The following LARS2 variants were observed in gnomAD, a reference collection of about 807,000 sequenced individuals.
LARS2 encodes the protein leucine--tRNA ligase, mitochondrial.
In LARS2, 81 loss-of-function variants were observed where a neutral mutation model predicts 116.6. The observed-to-expected ratio is 0.69, with a 90% confidence interval of 0.58 to 0.84. The LOEUF is 0.84. Among genes scored for constraint, LARS2 ranks in the 40% least tolerant of loss-of-function variants. The probability of loss-of-function intolerance (pLI) is 0.00; values close to 1 mark genes in which losing one functional copy is unlikely to be tolerated. For synonymous variants in LARS2, 396 were observed against 407.2 expected, an observed-to-expected ratio of 0.97 and a Z score of 0.33; for missense variants, 968 against 1,114.5, an observed-to-expected ratio of 0.87 and a Z score of 1.87.
In LARS2 at chr3:45,398,515, G is replaced by GA. The variant is rs532108657; in HGVS notation, c.235-1724dup. On this transcript the variant is annotated intron_variant, in intron 3 of 21. Transcript: ENST00000645846. ...TCTAGCAAGGGAATAAGGCCAGGAAGAAAAAACAGAAGGCAGAAATAAATA... is the reference window on the plus strand; with the variant it reads ...TCTAGCAAGGGAATAAGGCCAGGAAGAAAAAAACAGAAGGCAGAAATAAATA... Among the ~76,000 whole-genome samples, 28 of 152,296 alleles carry GA rather than the reference G, an allele frequency of 1.8e-4. No individual in the cohort carries two copies. In the East Asian group the frequency reaches 4.2e-3, roughly 23 times the overall value.
chr3:45,440,213 C>T (rs911856808), intron 6 of LARS2, among the ~76,000 whole-genome samples: 3 of 152,210 alleles, frequency 2.0e-5, no homozygotes, highest in Admixed American at 2.0e-4. Flanking sequence ...CTCTTTTAAG[C>T]TGCACAATAG....
intron 7 of LARS2, among the ~76,000 whole-genome samples, chr3:45,450,825 C>T (rs116106848): frequency 0.025 from 3,753 of 152,168 alleles, 108 homozygotes; most frequent in East Asian, 0.098. Flanking sequence ...ATGAGGGTTC[C>T]CCTTTCTCCA....
At chr3:45,507,645 G>C (rs940201347) in intron 15 of LARS2, among the ~76,000 whole-genome samples, 1 of 152,052 alleles carries the variant, frequency 6.6e-6, no homozygotes, top group Non-Finnish European at 1.5e-5. Flanking sequence ...TAATAACATG[G>C]AGAAATTCAT....
At chr3:45,532,872 C>T (rs1322472215) in intron 20 of LARS2, among the ~76,000 whole-genome samples, 2 of 152,100 alleles carry the variant, frequency 1.3e-5, no homozygotes, top group African/African-American at 4.8e-5. Flanking sequence ...AAACTCCTGA[C>T]TTCAGGTGGT....
intron 14 of LARS2, among the ~76,000 whole-genome samples, chr3:45,499,959 C>A (rs187348186): frequency 6.6e-6 from 1 of 151,460 alleles, no homozygotes; most frequent in Admixed American, 6.6e-5. Flanking sequence ...ATTATATAAG[C>A]TTTTCTCATA....
chr3:45,493,851 G>T (rs1159968523), intron 13 of LARS2, among the ~76,000 whole-genome samples: 1 of 152,068 alleles, frequency 6.6e-6, no homozygotes, highest in Admixed American at 6.5e-5. Context: ...AAGGAAATCA[G>T]CATGGCAAAT....
At chr3:45,482,298 A>G (rs1233507961) in intron 10 of LARS2, among the ~76,000 whole-genome samples, 1 of 152,174 alleles carries the variant, frequency 6.6e-6, no homozygotes, top group Non-Finnish European at 1.5e-5. Context: ...TGGGGCTATT[A>G]TGGAGATAAC....
Position 45,547,697 on chromosome 3 carries a change from G to A in LARS2, c.*167G>A. 2 of 613,412 alleles carry A rather than the reference G, an allele frequency of 3.3e-6. No homozygotes were observed. Among genetic ancestry groups the A allele is most frequent in the Non-Finnish European group, 2.8e-6 (1 of 361,652 alleles). 38.0% of individuals were successfully genotyped at this position (613,412 alleles called of 1,614,324 possible). On this transcript the variant is annotated 3_prime_UTR_variant, in exon 22 of 22. Coordinates refer to ENST00000645846, the MANE Select transcript of LARS2 (RefSeq NM_015340.4). The stretch of plus-strand genomic sequence containing the variant: ...GTCAACAGTGTGCCTCTGTAGTGTG[G>A]CCTGGTGCTGGGGTGAAGGTGAGCT...
intron 10 of LARS2, among the ~76,000 whole-genome samples, chr3:45,482,122 T>G (rs573849122): frequency 8.5e-5 from 13 of 152,350 alleles, no homozygotes; most frequent in African/African-American, 2.6e-4. Context: ...TGCTTCTGCC[T>G]CTTTATTTTC....
chr3:45,420,871 C>G (rs1250553884), intron 6 of LARS2, among the ~76,000 whole-genome samples: 1 of 152,138 alleles, frequency 6.6e-6, no homozygotes, highest in African/African-American at 2.4e-5. Context: ...TTTTCCTAAT[C>G]ATCACAGAGG....
At chr3:45,528,727 A>G (rs1362159896) in intron 20 of LARS2, among the ~76,000 whole-genome samples, 1 of 152,184 alleles carries the variant, frequency 6.6e-6, no homozygotes, top group African/African-American at 2.4e-5. Flanking sequence ...TTTGAGATTA[A>G]TCCATGTTCT....
intron 15 of LARS2, among the ~76,000 whole-genome samples, chr3:45,511,126 A>G (rs1173909665): frequency 1.3e-5 from 2 of 152,208 alleles, no homozygotes; most frequent in Non-Finnish European, 2.9e-5. Flanking sequence ...TCCCTGCTCT[A>G]GATGATCCAT....
intron 8 of LARS2, among the ~76,000 whole-genome samples, chr3:45,465,443 G>T (rs558637233): frequency 6.6e-6 from 1 of 152,196 alleles, no homozygotes; most frequent in Admixed American, 6.5e-5. Flanking sequence ...TCCTTCTAGG[G>T]ATGGGACTGG....
Position 45,474,175 on chromosome 3 carries a change from C to G in LARS2, c.751-68C>G, listed in dbSNP as rs556606842. On this transcript the variant is annotated intron_variant, in intron 8 of 21. Coordinates refer to ENST00000645846, the MANE Select transcript of LARS2 (RefSeq NM_015340.4). Reference sequence around the variant, plus strand: ...CTGCTTTTCCTACCTTAACAAGCTGCAAATCATTTGCTTTTTCTTAAATAA... The same window carrying G: ...CTGCTTTTCCTACCTTAACAAGCTGGAAATCATTTGCTTTTTCTTAAATAA... The G allele has an allele frequency of 8.9e-5, 87 of 973,100 alleles. No individual in the cohort carries two copies. The Admixed American group carries it at 1.5e-3, about 17-fold the overall frequency. 60.3% of individuals were successfully genotyped at this position (973,100 alleles called of 1,614,324 possible). A position where few individuals can be genotyped will look rare whatever the true frequency, so the allele number is the denominator to read the frequency against.
intron 10 of LARS2, among the ~76,000 whole-genome samples, chr3:45,480,682 A>G (rs1699683719): frequency 6.6e-6 from 1 of 152,190 alleles, no homozygotes; most frequent in African/African-American, 2.4e-5. Flanking sequence ...TTTGGATTTT[A>G]ATTGTGTTGT....
chr3:45,430,003 CTTTTTTTTTTTT>C (rs66989698), intron 6 of LARS2, among the ~76,000 whole-genome samples: 6 of 56,954 alleles, frequency 1.1e-4, no homozygotes, highest in East Asian at 6.7e-4. Context: ...TGCCCAGCCT[CTTTTTTTTTTTT>C]TTTTTTTTTT....
At chr3:45,455,279 G>T (rs893783279) in intron 7 of LARS2, among the ~76,000 whole-genome samples, 7 of 150,268 alleles carry the variant, frequency 4.7e-5, no homozygotes, top group African/African-American at 1.5e-4. Context: ...AGTCCTATTT[G>T]TTCTTGCAAT....
chr3:45,513,047 G>A (rs1269014006), intron 15 of LARS2, 88 bp from the exon 16 acceptor site: 4 of 879,618 alleles, frequency 4.5e-6, no homozygotes, highest in Non-Finnish European at 7.7e-6. Context: ...AGCTACTTCT[G>A]CCCATCCGAG....
intron 6 of LARS2, among the ~76,000 whole-genome samples, chr3:45,423,996 G>A (rs983668447): frequency 6.6e-6 from 1 of 152,170 alleles, no homozygotes; most frequent in African/African-American, 2.4e-5. Context: ...GAGAGATCCT[G>A]TGTGGTCTTT....
Sources: gnomAD v4.1 joint callset for allele counts (sites outside exome capture counted in the v4.1 genomes callset) on GRCh38, gnomAD v4.1.1 for gene constraint, MANE v1.5 for transcripts, NCBI Gene and HGNC (gene_info 2026-07-23, HGNC 2026-07-21) for gene names.